SPAG16: variants seen among roughly 807,000 people sequenced by gnomAD.
SPAG16 encodes the protein sperm-associated antigen 16 protein.
SPAG16 carries 86 observed loss-of-function variants against 80.4 expected under a neutral mutation model. The observed-to-expected ratio is 1.07, with a 90% confidence interval of 0.90 to 1.28. SPAG16 has a LOEUF of 1.28. Ranked by LOEUF, SPAG16 falls within the 50% of genes most tolerant of loss-of-function variation. The probability of loss-of-function intolerance (pLI) is 0.00; values close to 1 mark genes in which losing one functional copy is unlikely to be tolerated. For synonymous variants in SPAG16, 294 were observed against 265.9 expected (o/e 1.11, Z -1.03); for missense variants, 870 against 765.3 (o/e 1.14, Z -1.61).
intron 10 of SPAG16, among the ~76,000 whole-genome samples, chr2:213,510,210 A>G (rs959853310): frequency 9.9e-5 from 15 of 152,130 alleles, no homozygotes; most frequent in Non-Finnish European, 1.5e-4. Context: ...TCCTGGAGAT[A>G]TTGGGTCCAT....
Position 214,086,389 on chromosome 2 carries a change from C to G in SPAG16, c.1528-21807C>G, listed in dbSNP as rs575392840. On this transcript the variant is annotated intron_variant, in intron 13 of 15. Coordinates refer to ENST00000331683, the MANE Select transcript of SPAG16 (RefSeq NM_024532.5). Reference sequence around the variant, plus strand: ...CCTCAGTTGCTGATATGGTCTGGCTCTGTGTCCCCATGCAAATCTCATCAT... The same window carrying G: ...CCTCAGTTGCTGATATGGTCTGGCTGTGTGTCCCCATGCAAATCTCATCAT... Among the ~76,000 whole-genome samples the G allele has an allele frequency of 1.2e-4, 19 of 152,236 alleles. No individual in the cohort carries two copies. In the South Asian group the frequency reaches 2.9e-3, roughly 23 times the overall value.
intron 13 of SPAG16, among the ~76,000 whole-genome samples, chr2:214,071,822 G>T (rs546617110): frequency 6.6e-6 from 1 of 151,886 alleles, no homozygotes; most frequent in South Asian, 2.1e-4. Context: ...CACAATTTTT[G>T]CCTTATTCTT....
At chr2:214,017,340 A>AATATATTGTTC (rs1242538940) in intron 13 of SPAG16, among the ~76,000 whole-genome samples, 1 of 152,170 alleles carries the variant, frequency 6.6e-6, no homozygotes, top group Non-Finnish European at 1.5e-5. Flanking sequence ...TTTTGAACTA[A>AATATATTGTTC]AAACTTAGAT....
At chr2:213,763,680 A>T (rs949013753) in intron 10 of SPAG16, among the ~76,000 whole-genome samples, 1 of 152,210 alleles carries the variant, frequency 6.6e-6, no homozygotes, top group Non-Finnish European at 1.5e-5. Flanking sequence ...CCACGATAAA[A>T]AGGAAAAGAA....
In SPAG16 at chr2:214,249,157, G is replaced by A. The variant is rs574783435; in HGVS notation, c.1720+99891G>A. Among the ~76,000 whole-genome samples, 417 of 152,166 alleles carry A rather than the reference G, an allele frequency of 2.7e-3. 1 individual carries two copies. The highest frequency in any genetic ancestry group is 0.014 in the Middle Eastern group (4 of 294). On this transcript the variant is annotated intron_variant, in intron 15 of 15. Transcript: ENST00000331683. ...CTGAAGAATGTGAAAAATTAGGAAA[G>A]AAATCCTCAAAGCTATCAGAGCTAT...
chr2:214,244,354 C>T (rs1354303699), intron 15 of SPAG16, among the ~76,000 whole-genome samples: 1 of 150,014 alleles, frequency 6.7e-6, no homozygotes, highest in Admixed American at 6.7e-5. Flanking sequence ...ATTTTCAGCT[C>T]ACTCAGCATG....
chr2:214,085,951 C>T (rs377392836), intron 13 of SPAG16, among the ~76,000 whole-genome samples: 10 of 152,284 alleles, frequency 6.6e-5, no homozygotes, highest in East Asian at 3.9e-4. Context: ...ACACCATCTT[C>T]GCCCTCTGCC....
At chr2:214,287,879 G>A (rs1402776901) in intron 15 of SPAG16, among the ~76,000 whole-genome samples, 1 of 151,992 alleles carries the variant, frequency 6.6e-6, no homozygotes, top group Non-Finnish European at 1.5e-5. Flanking sequence ...GGTGATTTTG[G>A]GTATCCATCA....
chr2:214,376,469 G>A (rs974300928), intron 15 of SPAG16, among the ~76,000 whole-genome samples: 1 of 151,948 alleles, frequency 6.6e-6, no homozygotes, highest in African/African-American at 2.4e-5. Flanking sequence ...AACTCTGCCT[G>A]CTTGACCTAA....
intron 9 of SPAG16, among the ~76,000 whole-genome samples, chr2:213,460,660 G>T (rs1371485816): frequency 6.6e-6 from 1 of 152,152 alleles, no homozygotes; most frequent in Admixed American, 6.5e-5. Context: ...ATATACATGT[G>T]CATGGCTAGA....
chr2:213,986,250 A>G (rs80291744), intron 12 of SPAG16, among the ~76,000 whole-genome samples: 3,740 of 152,182 alleles, frequency 0.025, 147 homozygotes, highest in African/African-American at 0.086. Context: ...ATGAGGAAAT[A>G]TTATGAACTC....
intron 10 of SPAG16, among the ~76,000 whole-genome samples, chr2:213,726,966 T>C (rs557578830): frequency 1.3e-5 from 2 of 152,302 alleles, no homozygotes; most frequent in South Asian, 4.1e-4. Flanking sequence ...ATAATAGAAT[T>C]TTATCTTTGG....
chr2:213,905,436 A>T (rs912768298), intron 11 of SPAG16, among the ~76,000 whole-genome samples: 1 of 152,264 alleles, frequency 6.6e-6, no homozygotes, highest in African/African-American at 2.4e-5. Flanking sequence ...TGGCACATAC[A>T]ATCCACTGGC....
At chr2:213,868,629 G>A (rs2075803928) in intron 11 of SPAG16, among the ~76,000 whole-genome samples, 1 of 152,130 alleles carries the variant, frequency 6.6e-6, no homozygotes, top group South Asian at 2.1e-4. Flanking sequence ...ATTTTCTTCT[G>A]TATGACCACA....
Position 214,189,670 on chromosome 2 carries a change from T to C in SPAG16, c.1720+40404T>C, listed in dbSNP as rs189107488. 2.6e-5 allele frequency among the ~76,000 whole-genome samples: 4 copies of C among 152,226 alleles called. 1 individual carries two copies. The highest frequency in any genetic ancestry group is 6.6e-5 in the Admixed American group (1 of 15,262). On this transcript the variant is annotated intron_variant, in intron 15 of 15. Transcript: ENST00000331683. Reference sequence around the variant, plus strand: ...TATTGAATGCATAAACACCTTTTTTTTTGCATTTTTCTCCATGATATTTTG... The same window carrying C: ...TATTGAATGCATAAACACCTTTTTTCTTGCATTTTTCTCCATGATATTTTG...
chr2:213,733,943 C>CT (rs1470437921), intron 10 of SPAG16, among the ~76,000 whole-genome samples: 1 of 152,004 alleles, frequency 6.6e-6, no homozygotes, highest in Non-Finnish European at 1.5e-5. Context: ...TTTTATATTC[C>CT]TTTTTTTGGA....
intron 15 of SPAG16, among the ~76,000 whole-genome samples, chr2:214,298,361 A>G (rs535596461): frequency 1.3e-4 from 20 of 152,248 alleles, no homozygotes; most frequent in African/African-American, 4.8e-4. Flanking sequence ...GTTTCTAGGT[A>G]TAATATCATG....
At chr2:213,933,490 A>G (rs569849264) in intron 12 of SPAG16, among the ~76,000 whole-genome samples, 34 of 152,312 alleles carry the variant, frequency 2.2e-4, no homozygotes, top group African/African-American at 7.7e-4. Context: ...CTGAGCAGTT[A>G]TATCACACTG....
At chr2:213,381,354 A>G (rs564022165) in intron 9 of SPAG16, among the ~76,000 whole-genome samples, 1 of 152,216 alleles carries the variant, frequency 6.6e-6, no homozygotes, top group Non-Finnish European at 1.5e-5. Context: ...GTGAAAATAA[A>G]AAAACACTGA....
Sources: gnomAD v4.1 joint callset for allele counts (sites outside exome capture counted in the v4.1 genomes callset) on GRCh38, gnomAD v4.1.1 for gene constraint, MANE v1.5 for transcripts, NCBI Gene and HGNC (gene_info 2026-07-23, HGNC 2026-07-21) for gene names.